Variants in TEX14 observed in about 807,000 individuals in gnomAD.
TEX14 encodes inactive serine/threonine-protein kinase TEX14.
Under a neutral mutation model 178.6 loss-of-function variants are expected in TEX14, and 168 were observed. The ratio of observed to expected loss-of-function variants is 0.94; its 90% confidence interval spans 0.83 to 1.07. The LOEUF (loss-of-function observed/expected upper bound fraction) is 1.07, where lower values mean the gene tolerates loss of function less well. TEX14 is among the 50% of genes least tolerant of loss of function. The pLI, the probability that TEX14 is intolerant of heterozygous loss-of-function variation, is 0.00. For synonymous variants in TEX14, 626 were observed against 634.1 expected, an observed-to-expected ratio of 0.99 and a Z score of 0.19; for missense variants, 1,730 against 1,753.6, an observed-to-expected ratio of 0.99 and a Z score of 0.24.
At chr17:58,626,489 G>T (rs2046143688) in intron 3 of TEX14, among the ~76,000 whole-genome samples, 2 of 149,882 alleles carry the variant, frequency 1.3e-5, no homozygotes, top group South Asian at 4.2e-4. Flanking sequence ...AGAATTGCTG[G>T]AACCCTGTAG....
At position 58,630,483 on chromosome 17, in the gene TEX14, T is replaced by A. The variant is rs1244340875; in HGVS notation, c.208A>T (p.Lys70Ter). 1.2e-6 allele frequency: 2 copies of A among 1,614,008 alleles called. No homozygotes were observed. The highest frequency in any genetic ancestry group is 1.7e-5 in the Admixed American group (1 of 59,986). Residue 70 changes from lysine (K) to a stop codon, truncating the protein, a stop_gained, in exon 3 of 32, where the codon AAA (lysine) becomes TAA (stop). Coordinates refer to ENST00000349033, the MANE Select transcript of TEX14 (RefSeq NM_031272.5). LOFTEE classifies it high-confidence loss of function. ...TAATCCACCAGAACATCAACGAATT[T>A]CCTAAGGCCCAATAACGCCGCAACA... ...LFVAALLGLRKFVDVLVDYGS... is the reference protein window; with the variant it reads ...LFVAALLGLR
At chr17:58,621,509 T>C in intron 5 of TEX14, 141 bp downstream of exon 5, 1 of 822,098 alleles carries the variant, frequency 1.2e-6, no homozygotes, top group Non-Finnish European at 1.8e-6. Context: ...CCAAGCCTTT[T>C]CTTTCCAAGC....
chr17:58,590,534 T>TTGTTG, intron 15 of TEX14, among the ~76,000 whole-genome samples: 1 of 149,328 alleles, frequency 6.7e-6, no homozygotes, highest in Non-Finnish European at 1.5e-5. Flanking sequence ...TCCAACTATT[T>TTGTTG]TTGTTGTTGT....
chr17:58,691,975 G>A lies in TEX14; in HGVS notation c.-38C>T, dbSNP rs759448098. ...CTGCTTAAGCTAGGCAGGCCATGAA[G>A]AAATAACGGTCTCAGTAACCTCCAT... On this transcript the variant is annotated 5_prime_UTR_variant, in exon 1 of 32. Coordinates refer to ENST00000349033, the MANE Select transcript of TEX14 (RefSeq NM_031272.5). The A allele has an allele frequency of 2.0e-5, 3 of 153,032 alleles. No homozygotes were observed. Among genetic ancestry groups the A allele is most frequent in the African/African-American group, 7.2e-5 (3 of 41,404 alleles). 9.5% of individuals were successfully genotyped at this position (153,032 alleles called of 1,614,324 possible).
intron 1 of TEX14, among the ~76,000 whole-genome samples, chr17:58,680,913 A>G (rs1305474834): frequency 6.6e-6 from 1 of 152,178 alleles, no homozygotes; most frequent in Non-Finnish European, 1.5e-5. Flanking sequence ...GCCAGAGTTT[A>G]TAACTTTTTT....
rs2046287360 is a variant in TEX14 at position 58,631,473 on chromosome 17, C to T, written c.137-919G>A. ...CAAAAATAAAAATGCACATATCTCA[C>T]ATCTCTCAAAACACACAAAAAGCAC... On this transcript the variant is annotated intron_variant, in intron 2 of 31. Coordinates refer to ENST00000349033, the MANE Select transcript of TEX14 (RefSeq NM_031272.5). 2.0e-5 allele frequency among the ~76,000 whole-genome samples: 3 copies of T among 152,098 alleles called. No individual in the cohort carries two copies. In the South Asian group the frequency reaches 6.2e-4, roughly 32 times the overall value.
intron 14 of TEX14, among the ~76,000 whole-genome samples, chr17:58,596,367 A>G (rs1296167478): frequency 6.6e-6 from 1 of 151,994 alleles, no homozygotes; most frequent in Non-Finnish European, 1.5e-5. Context: ...CTGTAATCTC[A>G]ACTTCCTGAG....
intron 1 of TEX14, chr17:58,660,760 T>G: frequency 1.3e-6 from 1 of 781,272 alleles, no homozygotes; most frequent in South Asian, 1.3e-5. Flanking sequence ...CTGGTAACAC[T>G]CCATGTTTCT....
chr17:58,653,080 G>A (rs2046873618), intron 1 of TEX14, among the ~76,000 whole-genome samples: 1 of 152,078 alleles, frequency 6.6e-6, no homozygotes, highest in Non-Finnish European at 1.5e-5. Context: ...GGGACTACAG[G>A]CGCACACCAC....
At chr17:58,599,944 T>C (rs2045389418) in intron 13 of TEX14, among the ~76,000 whole-genome samples, 1 of 152,126 alleles carries the variant, frequency 6.6e-6, no homozygotes. Context: ...AGCTTTATTG[T>C]GTGTCCAAAC....
intron 15 of TEX14, among the ~76,000 whole-genome samples, chr17:58,592,620 C>T (rs1003032045): frequency 2.0e-5 from 3 of 151,664 alleles, no homozygotes; most frequent in African/African-American, 7.3e-5. Context: ...AGGTGTGAGC[C>T]ACCGCACCCA....
intron 2 of TEX14, among the ~76,000 whole-genome samples, chr17:58,641,993 G>T (rs988715665): frequency 6.6e-6 from 1 of 152,012 alleles, no homozygotes; most frequent in Non-Finnish European, 1.5e-5. Flanking sequence ...AAGCCGAAGG[G>T]GTCTTCTTCA....
At position 58,601,915 on chromosome 17, in the gene TEX14, G is replaced by A. The variant is rs756322772; in HGVS notation, c.1569C>T (p.Pro523=). The A allele has an allele frequency of 6.2e-7, 1 of 1,613,288 alleles. No individual in the cohort carries two copies. Among genetic ancestry groups the A allele is most frequent in the Non-Finnish European group, 8.5e-7 (1 of 1,179,990 alleles). The stretch of plus-strand genomic sequence containing the variant: ...GATGGAGTCCGTATCTCTGCACTCT[G>A]GGGCTCTCGGTTGGTTGAGTTCTCT... ...GAQRTQPTES[P]RVQRYGLHPD... Residue 523 remains proline, a synonymous_variant, in exon 13 of 32, where the codon CCC becomes CCT. Coordinates refer to ENST00000349033, the MANE Select transcript of TEX14 (RefSeq NM_031272.5).
rs112721240 is a variant in TEX14, at chr17:58,605,178, TATTCATTC to T, written c.1185-57_1185-50del. 9.6e-6 allele frequency: 15 copies of T among 1,570,546 alleles called. No homozygotes were observed. The African/African-American group carries it at 9.6e-5, about 10-fold the overall frequency. ...AGCGCTCATGCCTTAAAGGGTCTTT[TATTCATTC>T]ATTCATTCATTCATTCTTTCATTCA... On this transcript the variant is annotated intron_variant, in intron 10 of 31. Coordinates refer to ENST00000349033, the MANE Select transcript of TEX14 (RefSeq NM_031272.5).
intron 26 of TEX14, among the ~76,000 whole-genome samples, chr17:58,568,605 C>T (rs1207632484): frequency 6.6e-6 from 1 of 152,210 alleles, no homozygotes; most frequent in African/African-American, 2.4e-5. Context: ...GTTTCCATAA[C>T]AATGTAACAT....
chr17:58,591,442 T>C (rs1376659058), intron 15 of TEX14, among the ~76,000 whole-genome samples: 1 of 151,956 alleles, frequency 6.6e-6, no homozygotes. Flanking sequence ...CGCTTGAACC[T>C]GGGAGGTGGA....
At chr17:58,557,877 AAAC>A (rs748432104) in intron 30 of TEX14, 27 bp from the exon 31 acceptor site, 14 of 1,586,362 alleles carry the variant, frequency 8.8e-6, no homozygotes, top group Admixed American at 3.4e-5. Flanking sequence ...AGGAAGGAAA[AAAC>A]AACATGATTA....
At chr17:58,647,456 C>T (rs1203501864) in intron 2 of TEX14, among the ~76,000 whole-genome samples, 4 of 151,166 alleles carry the variant, frequency 2.6e-5, no homozygotes, top group Admixed American at 6.6e-5. Flanking sequence ...GGCGTGAACC[C>T]GGGAGGCGGA....
intron 2 of TEX14, among the ~76,000 whole-genome samples, chr17:58,651,212 AG>A (rs1225145296): frequency 6.6e-6 from 1 of 152,210 alleles, no homozygotes. Flanking sequence ...GTGGAGGTTG[AG>A]GCTGCAGTGA....
Sources: allele counts gnomAD v4.1 joint callset (sites outside exome capture counted in the v4.1 genomes callset), GRCh38; gene constraint gnomAD v4.1.1; transcripts MANE v1.5; gene names NCBI Gene and HGNC (gene_info 2026-07-23, HGNC 2026-07-21).